The following MTMR7 variants were observed in gnomAD, a reference collection of about 807,000 sequenced individuals.
The protein encoded by MTMR7 is myotubularin related protein 7, also known as phosphatidylinositol-3-phosphate phosphatase MTMR7.
Under a neutral mutation model 81.2 loss-of-function variants are expected in MTMR7, and 76 were observed. That is an observed-to-expected ratio of 0.94 (90% CI 0.78 to 1.13). MTMR7 has a LOEUF of 1.13. Ranked by LOEUF, MTMR7 falls within the 50% of genes most tolerant of loss-of-function variation. MTMR7 has a pLI of 0.00. For missense variants in MTMR7, 1,044 were observed against 820.0 expected (o/e 1.27, Z -3.34); for synonymous variants, 372 against 289.8 (o/e 1.28, Z -2.88).
chr8:17,354,864 C>T (rs909332326), intron 4 of MTMR7, among the ~76,000 whole-genome samples: 2 of 152,300 alleles, frequency 1.3e-5, no homozygotes, highest in East Asian at 1.9e-4. Flanking sequence ...AATCAGGATA[C>T]ATCATCTTCC....
At chr8:17,335,544 C>T (rs115059420) in intron 6 of MTMR7, among the ~76,000 whole-genome samples, 289 of 152,294 alleles carry the variant, frequency 1.9e-3, no homozygotes, top group African/African-American at 6.6e-3. Flanking sequence ...ACAGTGCCTA[C>T]GCTGACATGG....
intron 3 of MTMR7, among the ~76,000 whole-genome samples, chr8:17,366,709 AC>A (rs1820234490): frequency 6.6e-6 from 1 of 151,954 alleles, no homozygotes; most frequent in Admixed American, 6.6e-5. Flanking sequence ...ACACGGTGAA[AC>A]CCTGTCTCTA....
At chr8:17,357,588 G>A (rs760338839) in intron 4 of MTMR7, among the ~76,000 whole-genome samples, 1 of 152,070 alleles carries the variant, frequency 6.6e-6, no homozygotes, top group South Asian at 2.1e-4. Flanking sequence ...ATGATGTCGA[G>A]CAAAATGATG....
chr8:17,332,991 T>C (rs185479439), intron 6 of MTMR7, among the ~76,000 whole-genome samples: 3 of 152,142 alleles, frequency 2.0e-5, no homozygotes, highest in African/African-American at 7.2e-5. Flanking sequence ...AGAGCATATA[T>C]GAAGTTTGTA....
intron 3 of MTMR7, among the ~76,000 whole-genome samples, chr8:17,361,518 G>A (rs1427928992): frequency 1.3e-5 from 2 of 152,042 alleles, no homozygotes; most frequent in Admixed American, 1.3e-4. Flanking sequence ...TAGAACACAG[G>A]GACATCTCCA....
chr8:17,370,059 A>G (rs1820366497), intron 3 of MTMR7, among the ~76,000 whole-genome samples: 1 of 152,060 alleles, frequency 6.6e-6, no homozygotes, highest in Admixed American at 6.6e-5. Flanking sequence ...GCCCAAGATG[A>G]CGGCTGGAAC....
chr8:17,381,796 A>T (rs1163477818), intron 1 of MTMR7, among the ~76,000 whole-genome samples: 1 of 152,246 alleles, frequency 6.6e-6, no homozygotes, highest in Admixed American at 6.5e-5. Flanking sequence ...CTAGATAAAT[A>T]GTTTGTTGTG....
chr8:17,365,489 C>T (rs75755718), intron 3 of MTMR7, among the ~76,000 whole-genome samples: 2 of 152,116 alleles, frequency 1.3e-5, no homozygotes, highest in Non-Finnish European at 2.9e-5. Flanking sequence ...ACTCTTAAAA[C>T]AGGCATGTTA....
In MTMR7 at chr8:17,361,200, G is replaced by C. The variant is rs1179694793; in HGVS notation, c.385C>G (p.Leu129Val). 6.2e-7 allele frequency: 1 copy of C among 1,614,114 alleles called. No homozygotes were observed. The highest frequency in any genetic ancestry group is 8.5e-7 in the Non-Finnish European group (1 of 1,179,976). ...DKEEREQGWV[L>V]IDLSEEYTRM... ...GTGTATTCTTCACTAAGATCGATCAGCACCCAGCCTTGCTCTCTTTCTTCT... is the reference window on the plus strand; with the variant it reads ...GTGTATTCTTCACTAAGATCGATCACCACCCAGCCTTGCTCTCTTTCTTCT... The change falls in exon 4 of 14, where the codon CTG (leucine) becomes GTG (valine). Residue 129 changes from leucine (L) to valine (V), a missense_variant. Transcript: ENST00000180173.
chr8:17,348,812 C>A, intron 5 of MTMR7, 141 bp downstream of exon 5: 1 of 955,778 alleles, frequency 1.0e-6, no homozygotes, highest in East Asian at 2.4e-5. Context: ...TGTATCATGT[C>A]ATACCATGCA....
chr8:17,395,626 T>C (rs573595205), intron 1 of MTMR7, among the ~76,000 whole-genome samples: 1 of 152,334 alleles, frequency 6.6e-6, no homozygotes, highest in South Asian at 2.1e-4. Flanking sequence ...TCCTAATGGG[T>C]ATAAAGTGGT....
intron 10 of MTMR7, among the ~76,000 whole-genome samples, chr8:17,308,617 G>A (rs949334251): frequency 6.6e-6 from 1 of 152,150 alleles, no homozygotes; most frequent in Non-Finnish European, 1.5e-5. Flanking sequence ...ACTAAGTACA[G>A]CTATACCATT....
At chr8:17,313,854 A>G (rs1817920519) in intron 7 of MTMR7, among the ~76,000 whole-genome samples, 1 of 152,210 alleles carries the variant, frequency 6.6e-6, no homozygotes, top group Non-Finnish European at 1.5e-5. Context: ...ACTGTTGTAA[A>G]AACACAAGAC....
At chr8:17,393,855 C>T (rs1336662687) in intron 1 of MTMR7, among the ~76,000 whole-genome samples, 1 of 151,804 alleles carries the variant, frequency 6.6e-6, no homozygotes, top group African/African-American at 2.4e-5. Context: ...GGACTTAACA[C>T]AAACGTTGAA....
intron 7 of MTMR7, among the ~76,000 whole-genome samples, chr8:17,329,472 T>C (rs145052016): frequency 6.6e-6 from 1 of 152,254 alleles, no homozygotes; most frequent in African/African-American, 2.4e-5. Context: ...AAAACAGTAG[T>C]GTCAGACCAC....
At chr8:17,321,425 G>T (rs567850068) in intron 7 of MTMR7, among the ~76,000 whole-genome samples, 88 of 152,206 alleles carry the variant, frequency 5.8e-4, no homozygotes, top group Non-Finnish European at 8.5e-4. Context: ...TTAACATTGC[G>T]TGTGCTAAGT....
intron 12 of MTMR7, among the ~76,000 whole-genome samples, chr8:17,303,603 A>G (rs7007967): frequency 0.02 from 2,450 of 122,206 alleles, 71 homozygotes; most frequent in African/African-American, 0.081. Context: ...CTCCCCATAC[A>G]TACAATCTTT....
At chr8:17,401,067 C>T (rs1821414208) in intron 1 of MTMR7, among the ~76,000 whole-genome samples, 1 of 151,896 alleles carries the variant, frequency 6.6e-6, no homozygotes, top group African/African-American at 2.4e-5. Flanking sequence ...CTGCCAGGTA[C>T]CTTTGCAATT....
At chr8:17,329,591 AAAG>A (rs35188841) in intron 7 of MTMR7, among the ~76,000 whole-genome samples, 12 of 152,238 alleles carry the variant, frequency 7.9e-5, no homozygotes, top group Non-Finnish European at 1.5e-4. Context: ...AATTTTCTGC[AAAG>A]AAGAATATTT....
Sources: allele counts gnomAD v4.1 joint callset (sites outside exome capture counted in the v4.1 genomes callset), GRCh38; gene constraint gnomAD v4.1.1; transcripts MANE v1.5; gene names NCBI Gene and HGNC (gene_info 2026-07-23, HGNC 2026-07-21).